IFT172: variants seen among roughly 807,000 people sequenced by gnomAD.
IFT172 encodes intraflagellar transport protein 172 homolog.
Under a neutral mutation model 248.9 loss-of-function variants are expected in IFT172, and 164 were observed. That is an observed-to-expected ratio of 0.66 (90% CI 0.58 to 0.75). The LOEUF (loss-of-function observed/expected upper bound fraction) is 0.75, where lower values mean the gene tolerates loss of function less well. Ranked by LOEUF, IFT172 falls within the 30% of genes least tolerant of loss-of-function variation. IFT172 has a pLI of 0.00. For missense variants in IFT172, 1,950 were observed against 2,192.4 expected (o/e 0.89, Z 2.21); for synonymous variants, 729 against 791.6 (o/e 0.92, Z 1.33).
Position 27,453,989 on chromosome 2 carries a change from T to G in IFT172, c.3704A>C (p.Tyr1235Ser). Residue 1235 changes from tyrosine (Y) to serine (S), a missense_variant, in exon 33 of 48, where the codon TAT (tyrosine) becomes TCT (serine). Transcript: ENST00000260570. ...RAQRPGLALN[Y>S]YKEAGLWSDA... ...CTGCATCCAGTGCCCCACCTTATAA[T>G]AATTGAGGGCCAGGCCTGGTCTCTG... 6.2e-7 allele frequency: 1 copy of G among 1,610,290 alleles called. No individual in the cohort carries two copies. Among genetic ancestry groups the G allele is most frequent in the Non-Finnish European group, 8.5e-7 (1 of 1,179,234 alleles).
chr2:27,481,941 C>A (rs1668407969), intron 7 of IFT172, among the ~76,000 whole-genome samples: 1 of 151,376 alleles, frequency 6.6e-6, no homozygotes, highest in South Asian at 2.1e-4. Flanking sequence ...CATAGGGCTT[C>A]TTTTTTTAAG....
Position 27,445,412 on chromosome 2 carries a change from G to C in IFT172, c.4952C>G (p.Thr1651Arg), listed in dbSNP as rs771383720. 1.9e-6 allele frequency: 3 copies of C among 1,612,444 alleles called. No individual in the cohort carries two copies. Among genetic ancestry groups the C allele is most frequent in the Non-Finnish European group, 2.5e-6 (3 of 1,179,346 alleles). ...EREEVRDWVL[T>R]VSMDQRLEQV... Reference sequence around the variant, plus strand: ...CTCCAGCCGCTGGTCCATGGAGACTGTAAGCACCCAGTCTCGAACCTCTTC... The same window carrying C: ...CTCCAGCCGCTGGTCCATGGAGACTCTAAGCACCCAGTCTCGAACCTCTTC... The change falls in exon 46 of 48, where the codon ACA becomes AGA. Residue 1651 changes from threonine to arginine, a missense_variant. Thr to Arg is a moderately conservative substitution (Grantham distance 71). Transcript: ENST00000260570. The surrounding 1 kb of genome is among the most constrained non-coding windows in gnomAD (Gnocchi z 4.4).
At chr2:27,460,728 A>T (rs1440494176) in intron 23 of IFT172, among the ~76,000 whole-genome samples, 1 of 118,010 alleles carries the variant, frequency 8.5e-6, no homozygotes, top group African/African-American at 3.4e-5. Flanking sequence ...TTGTCTTGTG[A>T]CCCTGACACA....
intron 7 of IFT172, among the ~76,000 whole-genome samples, 189 bp from the exon 8 acceptor site, chr2:27,481,449 A>G (rs1298446976): frequency 1.3e-5 from 2 of 150,078 alleles, no homozygotes; most frequent in African/African-American, 5.0e-5. Flanking sequence ...ACACACACAC[A>G]CACATACACA....
chr2:27,477,604 C>G lies in IFT172; in HGVS notation c.1176G>C (p.Trp392Cys), dbSNP rs754968647. The G allele has an allele frequency of 3.1e-6, 5 of 1,607,330 alleles. No individual in the cohort carries two copies. Among genetic ancestry groups the G allele is most frequent in the Non-Finnish European group, 4.3e-6 (5 of 1,173,862 alleles). The change falls in exon 12 of 48, where the codon TGG (tryptophan) becomes TGC (cysteine). Residue 392 changes from tryptophan (W) to cysteine (C), a missense_variant. Around this residue, in one of 3 missense-constraint regions of IFT172, gnomAD observed 1,166 missense variants for 1,254.1 expected, o/e 0.93. Transcript: ENST00000260570. ...LNTNRLSEIAWQGSGGNEKYF... is the reference protein window; with the variant it reads ...LNTNRLSEIACQGSGGNEKYF... Reference sequence around the variant, plus strand: ...ACTTCTCATTGCCACCAGATCCTTGCCAGGCTATCTGTAACGGGAGAAGAC... The same window carrying G: ...ACTTCTCATTGCCACCAGATCCTTGGCAGGCTATCTGTAACGGGAGAAGAC...
In IFT172 at chr2:27,445,027, A is replaced by G. The variant is rs747938088; in HGVS notation, c.5147T>C (p.Leu1716Pro). 4 of 1,613,962 alleles carry G rather than the reference A, an allele frequency of 2.5e-6. No individual in the cohort carries two copies. In the South Asian group the frequency reaches 3.3e-5, roughly 13 times the overall value. Residue 1716 changes from leucine to proline, a missense_variant, in exon 47 of 48, where the codon CTT (leucine) becomes CCT (proline). Physicochemically the swap from Leu to Pro is moderately conservative, Grantham distance 98 (BLOSUM62 -3). Coordinates refer to ENST00000260570, the MANE Select transcript of IFT172 (RefSeq NM_015662.3). The surrounding 1 kb of genome is among the most constrained non-coding windows in gnomAD (Gnocchi z 4.4). ...CTCCTCTCTAACCTTGATGGCCATA[A>G]GGAATTTATTCCAGTTGTCCTTGTT... ...AANKDNWNKFLMAIKTSHSPV... is the reference protein window; with the variant it reads ...AANKDNWNKFPMAIKTSHSPV...
At chr2:27,485,600 T>C (rs1572838237) in intron 1 of IFT172, 97 bp from the exon 2 acceptor site, 1 of 1,412,430 alleles carries the variant, frequency 7.1e-7, no homozygotes, top group East Asian at 2.3e-5. Context: ...CTGGTCAATT[T>C]TCTTCCTGTC....
Position 27,458,759 on chromosome 2 carries a change from T to C in IFT172, c.2877+20A>G. 6.2e-7 allele frequency: 1 copy of C among 1,612,154 alleles called. No individual in the cohort carries two copies. ...CCACTAAGGCAGAGTTCTCTTATCA[T>C]GAACTCCACCCATCCCTACCTTGTG... On this transcript the variant is annotated intron_variant, in intron 26 of 47. Transcript: ENST00000260570.
At chr2:27,458,702 A>G in intron 26 of IFT172, 77 bp downstream of exon 26, 1 of 1,529,332 alleles carries the variant, frequency 6.5e-7, no homozygotes, top group Non-Finnish European at 8.9e-7. Flanking sequence ...AGCGAAGAGG[A>G]GAAACAGGTA....
rs780709991 is a variant in IFT172 at position 27,462,767 on chromosome 2, C to T, written c.2049G>A (p.Gln683=). The T allele has an allele frequency of 6.2e-7, 1 of 1,614,106 alleles. No individual in the cohort carries two copies. The highest frequency in any genetic ancestry group is 2.2e-5 in the East Asian group (1 of 44,884). ...EYGGEGTDFY[Q]VRARLAMLEK... Reference sequence around the variant, plus strand: ...CCAGCATGGCTAGACGTGCTCGGACCTGATAAAAGTCTGTTCCTTCTCCGC... The same window carrying T: ...CCAGCATGGCTAGACGTGCTCGGACTTGATAAAAGTCTGTTCCTTCTCCGC... Residue 683 remains glutamine (Q), a synonymous_variant, in exon 20 of 48, where the codon CAG becomes CAA. Transcript: ENST00000260570.
intron 1 of IFT172, among the ~76,000 whole-genome samples, chr2:27,487,463 C>G (rs1668850726): frequency 6.6e-6 from 1 of 152,100 alleles, no homozygotes; most frequent in South Asian, 2.1e-4. Context: ...CTCATTTTAC[C>G]TCATAACACT....
intron 23 of IFT172, among the ~76,000 whole-genome samples, 190 bp from the exon 24 acceptor site, chr2:27,460,019 G>A (rs958075362): frequency 6.6e-6 from 1 of 152,070 alleles, no homozygotes; most frequent in Non-Finnish European, 1.5e-5. Flanking sequence ...TACTGTGTCT[G>A]TGTAGAAAGA....
chr2:27,453,277 G>T, intron 35 of IFT172, 107 bp downstream of exon 35: 2 of 1,410,898 alleles, frequency 1.4e-6, no homozygotes, highest in Non-Finnish European at 2.0e-6. Context: ...CTACCTGATT[G>T]AAAAGAAAAA....
At chr2:27,482,426 G>T (rs1668452363) in intron 7 of IFT172, among the ~76,000 whole-genome samples, 1 of 152,062 alleles carries the variant, frequency 6.6e-6, no homozygotes, top group Non-Finnish European at 1.5e-5. Context: ...CCAGAAAGCT[G>T]GGATTACAGG....
chr2:27,483,518 A>G, intron 6 of IFT172, 62 bp downstream of exon 6: 1 of 1,564,412 alleles, frequency 6.4e-7, no homozygotes, highest in African/African-American at 1.4e-5. Context: ...TGCAGTCCAG[A>G]CTTCCCCACA....
At chr2:27,477,651 T>C in intron 11 of IFT172, 39 bp from the exon 12 acceptor site, 1 of 1,336,138 alleles carries the variant, frequency 7.5e-7, no homozygotes, top group Non-Finnish European at 1.1e-6. Flanking sequence ...TGTGGATAAA[T>C]ACCCAAGATA....
rs182862080 is a variant in IFT172, at chr2:27,446,748, G to A, written c.4660-393C>T. Among the ~76,000 whole-genome samples the A allele has an allele frequency of 8.9e-3, 1,180 of 132,916 alleles. 13 individuals are homozygous for A. The highest frequency in any genetic ancestry group is 0.032 in the African/African-American group (1,117 of 35,416). The allele number at this position is 132,916 out of a possible 152,430, so 87.2% of individuals were successfully genotyped here. A position where few individuals can be genotyped will look rare whatever the true frequency, so the allele number is the denominator to read the frequency against. On this transcript the variant is annotated intron_variant, in intron 42 of 47. Transcript: ENST00000260570. Reference sequence around the variant, plus strand: ...CGCTCTGTCGCCCAGGCCAGACTGCGGACTGCAGTGGCGCAATCTCGGCTC... The same window carrying A: ...CGCTCTGTCGCCCAGGCCAGACTGCAGACTGCAGTGGCGCAATCTCGGCTC...
chr2:27,453,171 C>T, intron 35 of IFT172: 1 of 711,674 alleles, frequency 1.4e-6, no homozygotes, highest in Non-Finnish European at 2.6e-6. Flanking sequence ...GTCTAATTCC[C>T]CTAACTTTTG....
intron 25 of IFT172, 156 bp downstream of exon 25, chr2:27,459,222 G>A (rs1216349253): frequency 3.3e-6 from 3 of 920,646 alleles, no homozygotes; most frequent in Admixed American, 5.8e-5. Context: ...AATGAAAATG[G>A]GAAAGTAAAC....
Sources: gnomAD v4.1 joint callset for allele counts (sites outside exome capture counted in the v4.1 genomes callset) on GRCh38, gnomAD v4.1.1 for gene constraint, gnomAD v4.1.1 regional missense constraint, Gnocchi (gnomAD v3.1) non-coding constraint, MANE v1.5 for transcripts, NCBI Gene and HGNC (gene_info 2026-07-23, HGNC 2026-07-21) for gene names.